Variants in THSD7B observed in about 807,000 individuals in gnomAD.
THSD7B encodes the protein thrombospondin type-1 domain-containing protein 7B.
Under a neutral mutation model 213.6 loss-of-function variants are expected in THSD7B, and 138 were observed. The observed-to-expected ratio is 0.65, with a 90% CI of 0.56 to 0.74. The LOEUF is 0.74. Ranked by LOEUF, THSD7B falls within the 30% of genes least tolerant of loss-of-function variation. The pLI is 0.00. For synonymous variants in THSD7B, 742 were observed against 687.0 expected, an observed-to-expected ratio of 1.08 and a Z score of -1.25; for missense variants, 1,931 against 1,991.5, an observed-to-expected ratio of 0.97 and a Z score of 0.58.
At chr2:137,482,421 C>G (rs933862228) in intron 15 of THSD7B, among the ~76,000 whole-genome samples, 1 of 152,178 alleles carries the variant, frequency 6.6e-6, no homozygotes. Flanking sequence ...AATAAAACTT[C>G]TAATATACTT....
chr2:137,584,404 G>T (rs1419001625), intron 17 of THSD7B, among the ~76,000 whole-genome samples: 5 of 152,186 alleles, frequency 3.3e-5, no homozygotes, highest in Non-Finnish European at 4.4e-5. Context: ...GGACATTCCT[G>T]TCTTGTGCCA....
At chr2:137,612,161 C>A (rs766303648) in intron 17 of THSD7B, among the ~76,000 whole-genome samples, 1 of 152,114 alleles carries the variant, frequency 6.6e-6, no homozygotes, top group Non-Finnish European at 1.5e-5. Flanking sequence ...CAAGAGTCAC[C>A]ATGTACAGTG....
At chr2:137,552,471 C>CT (rs1202588437) in intron 15 of THSD7B, among the ~76,000 whole-genome samples, 1 of 151,972 alleles carries the variant, frequency 6.6e-6, no homozygotes, top group East Asian at 1.9e-4. Context: ...TATTTTTTTC[C>CT]TTTTTTTCCT....
intron 2 of THSD7B, among the ~76,000 whole-genome samples, chr2:137,002,089 G>A (rs1417394970): frequency 6.6e-6 from 1 of 152,054 alleles, no homozygotes; most frequent in African/African-American, 2.4e-5. Flanking sequence ...TTCCGCATAT[G>A]ACTGTTTTCT....
At chr2:137,379,548 C>G (rs1018362014) in intron 12 of THSD7B, among the ~76,000 whole-genome samples, 2 of 152,172 alleles carry the variant, frequency 1.3e-5, no homozygotes, top group Admixed American at 1.3e-4. Flanking sequence ...AAATCAAATG[C>G]AAGGGGAGAA....
At chr2:137,675,442 A>ATATATATG (rs1683678298) in intron 27 of THSD7B, among the ~76,000 whole-genome samples, 1 of 105,120 alleles carries the variant, frequency 9.5e-6, no homozygotes, top group African/African-American at 3.5e-5. Flanking sequence ...ATATATATAT[A>ATATATATG]TATATGCGGA....
chr2:137,281,429 T>C (rs1295530436), intron 12 of THSD7B, among the ~76,000 whole-genome samples: 1 of 152,002 alleles, frequency 6.6e-6, no homozygotes, highest in African/African-American at 2.4e-5. Context: ...TTATTATACT[T>C]TAAGTTTTAG....
At chr2:137,340,815 C>T (rs1684745133) in intron 12 of THSD7B, among the ~76,000 whole-genome samples, 1 of 151,620 alleles carries the variant, frequency 6.6e-6, no homozygotes, top group African/African-American at 2.4e-5. Flanking sequence ...TTTTCTGTAT[C>T]CATTCATCTT....
chr2:136,903,176 T>A (rs1684090875), intron 2 of THSD7B, among the ~76,000 whole-genome samples: 1 of 152,088 alleles, frequency 6.6e-6, no homozygotes, highest in Non-Finnish European at 1.5e-5. Context: ...TTAAAAAAAA[T>A]ATGAAATTAG....
intron 12 of THSD7B, among the ~76,000 whole-genome samples, chr2:137,379,551 G>A (rs1685729169): frequency 6.6e-6 from 1 of 152,212 alleles, no homozygotes; most frequent in Non-Finnish European, 1.5e-5. Flanking sequence ...TCAAATGCAA[G>A]GGGAGAAGGA....
At chr2:137,305,441 A>T (rs1442416112) in intron 12 of THSD7B, among the ~76,000 whole-genome samples, 1 of 152,118 alleles carries the variant, frequency 6.6e-6, no homozygotes, top group Non-Finnish European at 1.5e-5. Flanking sequence ...ACTACTTGGA[A>T]CCCAGGAGGA....
intron 15 of THSD7B, among the ~76,000 whole-genome samples, chr2:137,498,468 A>G (rs1356749376): frequency 2.0e-5 from 3 of 152,086 alleles, no homozygotes; most frequent in Non-Finnish European, 4.4e-5. Flanking sequence ...AAAGCATCTG[A>G]CCCAGTGATT....
intron 2 of THSD7B, among the ~76,000 whole-genome samples, chr2:136,990,719 G>A: frequency 6.6e-6 from 1 of 152,150 alleles, no homozygotes. Context: ...ACTAGATTGA[G>A]GAATCAGGGA....
At chr2:137,428,551 C>T (rs1687107710) in intron 14 of THSD7B, among the ~76,000 whole-genome samples, 1 of 151,952 alleles carries the variant, frequency 6.6e-6, no homozygotes, top group Non-Finnish European at 1.5e-5. Flanking sequence ...TTTTTTTCTG[C>T]TAACACATGG....
intron 2 of THSD7B, among the ~76,000 whole-genome samples, chr2:137,018,291 A>G (rs13409543): frequency 6.6e-6 from 1 of 152,066 alleles, no homozygotes; most frequent in African/African-American, 2.4e-5. Context: ...ATATTTATTT[A>G]TTATTGTGTT....
chr2:136,952,572 T>C (rs1440642976), intron 2 of THSD7B, among the ~76,000 whole-genome samples: 2 of 152,036 alleles, frequency 1.3e-5, no homozygotes, highest in African/African-American at 2.4e-5. Context: ...GTTATTACAG[T>C]AAATCATCTA....
intron 8 of THSD7B, among the ~76,000 whole-genome samples, chr2:137,231,592 T>C (rs1219100689): frequency 6.6e-6 from 1 of 152,068 alleles, no homozygotes; most frequent in Non-Finnish European, 1.5e-5. Context: ...TTAGACTATG[T>C]TTAGTAAAAA....
intron 2 of THSD7B, among the ~76,000 whole-genome samples, chr2:136,998,278 A>AG (rs1282651818): frequency 2.7e-5 from 4 of 149,664 alleles, no homozygotes; most frequent in African/African-American, 9.8e-5. Flanking sequence ...AAAAAAAAAA[A>AG]AAAGAAAGAA....
chr2:136,819,213 C>T (rs1032111133), intron 1 of THSD7B, among the ~76,000 whole-genome samples: 4 of 152,170 alleles, frequency 2.6e-5, no homozygotes, highest in African/African-American at 7.2e-5. Context: ...CTTTAAAAGT[C>T]AAGATCATTA....
Sources: allele counts gnomAD v4.1 joint callset (sites outside exome capture counted in the v4.1 genomes callset), GRCh38; gene constraint gnomAD v4.1.1; transcripts MANE v1.5; gene names NCBI Gene and HGNC (gene_info 2026-07-23, HGNC 2026-07-21).